PDCD6IP: variants seen among roughly 807,000 people sequenced by gnomAD.
PDCD6IP encodes the protein programmed cell death 6 interacting protein.
PDCD6IP carries 43 observed loss-of-function variants against 103.7 expected under a neutral mutation model. The ratio of observed to expected loss-of-function variants is 0.41; its 90% confidence interval spans 0.32 to 0.53. The LOEUF (loss-of-function observed/expected upper bound fraction) is 0.53, where lower values mean the gene tolerates loss of function less well. PDCD6IP is among the 20% of genes least tolerant of loss of function. The pLI, the probability that PDCD6IP is intolerant of heterozygous loss-of-function variation, is 0.16. For synonymous variants in PDCD6IP, 354 were observed against 378.7 expected (o/e 0.93, Z 0.76); for missense variants, 871 against 1,036.7 (o/e 0.84, Z 2.20).
chr3:33,804,623 T>A (rs1484243382), intron 1 of PDCD6IP, among the ~76,000 whole-genome samples: 3 of 152,256 alleles, frequency 2.0e-5, no homozygotes, highest in Admixed American at 6.5e-5. Context: ...TTCTGGTGTT[T>A]AGTAAATCTT....
At chr3:33,861,398 C>T (rs1697950868) in intron 15 of PDCD6IP, among the ~76,000 whole-genome samples, 2 of 152,192 alleles carry the variant, frequency 1.3e-5, no homozygotes, top group South Asian at 4.1e-4. Context: ...GCCTCGGCCT[C>T]CCAAAGTGCT....
rs764341118 is a variant in PDCD6IP at position 33,798,760 on chromosome 3, A to G, written c.32A>G (p.Lys11Arg). 6.4e-7 allele frequency: 1 copy of G among 1,572,426 alleles called. No homozygotes were observed. Among genetic ancestry groups the G allele is most frequent in the South Asian group, 1.2e-5 (1 of 85,584 alleles). The change falls in exon 1 of 18, where the codon AAG becomes AGG. Residue 11 changes from lysine (K) to arginine (R), a missense_variant. This residue lies in a region of PDCD6IP where 114 missense variants were observed against 106.7 expected (regional missense o/e 1.07). Coordinates refer to ENST00000307296, the MANE Select transcript of PDCD6IP (RefSeq NM_013374.6). MATFISVQLK[K>R]TSEVDLAKPL... ...ACATTCATCTCGGTGCAGCTGAAAA[A>G]GACCTCAGAGGTGGACCTGGCCAAG...
intron 15 of PDCD6IP, among the ~76,000 whole-genome samples, chr3:33,860,165 C>T (rs1044839155): frequency 2.6e-5 from 4 of 152,044 alleles, no homozygotes; most frequent in African/African-American, 4.8e-5. Flanking sequence ...ATTGGAATAT[C>T]GTCATTTAAA....
intron 7 of PDCD6IP, 115 bp from the exon 8 acceptor site, chr3:33,835,929 A>G: frequency 3.2e-6 from 2 of 634,296 alleles, no homozygotes; most frequent in South Asian, 2.0e-5. Context: ...TGGAAATGCA[A>G]GTCTTCAGAT....
chr3:33,818,862 T>G (rs1291698528), intron 3 of PDCD6IP, among the ~76,000 whole-genome samples: 1 of 152,084 alleles, frequency 6.6e-6, no homozygotes, highest in African/African-American at 2.4e-5. Context: ...AAAAGTCTGA[T>G]TTTTGTTATT....
At chr3:33,815,623 AG>A (rs958056415) in intron 3 of PDCD6IP, among the ~76,000 whole-genome samples, 7 of 152,180 alleles carry the variant, frequency 4.6e-5, no homozygotes, top group African/African-American at 1.2e-4. Flanking sequence ...TACAGAAGAG[AG>A]GGATTTCAGA....
At chr3:33,824,682 C>G (rs1697072865) in intron 4 of PDCD6IP, among the ~76,000 whole-genome samples, 1 of 152,190 alleles carries the variant, frequency 6.6e-6, no homozygotes, top group African/African-American at 2.4e-5. Flanking sequence ...TGATGGGGAA[C>G]ATTTCACTAG....
chr3:33,844,146 A>G lies in PDCD6IP; in HGVS notation c.1394A>G (p.Asp465Gly). The change falls in exon 11 of 18, where the codon GAT (aspartate) becomes GGT (glycine). Residue 465 changes from aspartate to glycine, a missense_variant. Transcript: ENST00000307296. ...TTGTTGGATGAAGAAGAAGCAACCG[A>G]TAATGATTTAAGAGCAAAATTTAAG... is the stretch of plus-strand genomic sequence containing the variant. ...LRLLDEEEAT[D>G]NDLRAKFKER... The G allele has an allele frequency of 6.2e-7, 1 of 1,608,640 alleles. No individual in the cohort carries two copies. Among genetic ancestry groups the G allele is most frequent in the Non-Finnish European group, 8.5e-7 (1 of 1,178,664 alleles).
chr3:33,818,400 G>T (rs753648712), intron 3 of PDCD6IP, among the ~76,000 whole-genome samples: 35 of 150,532 alleles, frequency 2.3e-4, no homozygotes, highest in Admixed American at 8.6e-4. Context: ...GAGCCACCAC[G>T]CCTGGCTGAT....
At chr3:33,852,456 T>TTTTTA in intron 12 of PDCD6IP, 32 bp from the exon 13 acceptor site, 1 of 1,316,212 alleles carries the variant, frequency 7.6e-7, no homozygotes, top group South Asian at 1.8e-5. Context: ...TTTTTTTTTT[T>TTTTTA]GCAGTTAAAC....
In PDCD6IP at chr3:33,798,829, A is replaced by G; in HGVS notation, c.101A>G (p.Glu34Gly). ...CAGCAGACTTACCCAAGCGGCGGGG[A>G]AGAGCAGGCCCAGTACTGCCGCGCG... Reference protein sequence around the residue: ...FIQQTYPSGGEEQAQYCRAAE... With the variant: ...FIQQTYPSGGGEQAQYCRAAE... The change falls in exon 1 of 18, where the codon GAA (glutamate) becomes GGA (glycine). Residue 34 changes from glutamate to glycine, a missense_variant. By Grantham distance (98) the Glu-to-Gly change is moderately conservative. Coordinates refer to ENST00000307296, the MANE Select transcript of PDCD6IP (RefSeq NM_013374.6). The G allele has an allele frequency of 6.4e-7, 1 of 1,560,388 alleles. No individual in the cohort carries two copies.
intron 12 of PDCD6IP, 81 bp from the exon 13 acceptor site, chr3:33,852,407 C>G: frequency 9.0e-6 from 13 of 1,438,848 alleles, no homozygotes; most frequent in Non-Finnish European, 1.2e-5. Flanking sequence ...CCGAATGAAC[C>G]TTTATATATT....
chr3:33,835,201 T>TA, intron 7 of PDCD6IP: 1 of 456,188 alleles, frequency 2.2e-6, no homozygotes, highest in Non-Finnish European at 4.4e-6. Context: ...AAAAAATTCT[T>TA]ATTGATGTTG....
chr3:33,820,775 C>A (rs1696974629), intron 3 of PDCD6IP, among the ~76,000 whole-genome samples: 1 of 152,174 alleles, frequency 6.6e-6, no homozygotes, highest in Admixed American at 6.6e-5. Flanking sequence ...TATGTATATA[C>A]CACATTTTGT....
chr3:33,864,244 G>A (rs773627089), intron 16 of PDCD6IP, 115 bp downstream of exon 16: 2 of 647,390 alleles, frequency 3.1e-6, no homozygotes, highest in South Asian at 2.2e-5. Context: ...ACCTGCATCA[G>A]GTAACCAACC....
chr3:33,825,466 G>T, intron 5 of PDCD6IP, 126 bp downstream of exon 5: 2 of 785,892 alleles, frequency 2.5e-6, no homozygotes, highest in Non-Finnish European at 1.9e-6. Flanking sequence ...CATGAATTAT[G>T]GAAAATTTTC....
At chr3:33,802,199 G>A (rs1696490368) in intron 1 of PDCD6IP, among the ~76,000 whole-genome samples, 1 of 152,144 alleles carries the variant, frequency 6.6e-6, no homozygotes, top group African/African-American at 2.4e-5. Context: ...CAAGTTCCAG[G>A]TAGTAGGATG....
At chr3:33,857,775 T>A (rs1274059243) in intron 15 of PDCD6IP, among the ~76,000 whole-genome samples, 2 of 152,170 alleles carry the variant, frequency 1.3e-5, no homozygotes, top group Non-Finnish European at 2.9e-5. Context: ...AGATAGATGC[T>A]TCCGTAACAT....
intron 7 of PDCD6IP, among the ~76,000 whole-genome samples, chr3:33,831,582 G>A (rs1418629773): frequency 6.6e-6 from 1 of 151,986 alleles, no homozygotes; most frequent in South Asian, 2.1e-4. Context: ...TATTTTGTGG[G>A]CTTGAAATTT....
Sources: gnomAD v4.1 joint callset for allele counts (sites outside exome capture counted in the v4.1 genomes callset) on GRCh38, gnomAD v4.1.1 for gene constraint, gnomAD v4.1.1 regional missense constraint, MANE v1.5 for transcripts, NCBI Gene and HGNC (gene_info 2026-07-23, HGNC 2026-07-21) for gene names.